The following DISP1 variants were observed in gnomAD, a reference collection of about 807,000 sequenced individuals.
DISP1 encodes dispatched RND transporter family member 1.
In DISP1, 30 loss-of-function variants were observed where a neutral mutation model predicts 37.3. The observed-to-expected ratio is 0.80, with a 90% CI of 0.60 to 1.09. DISP1 has a LOEUF of 1.09. Ranked by LOEUF, DISP1 falls within the 50% of genes least tolerant of loss-of-function variation. The pLI, the probability that DISP1 is intolerant of heterozygous loss-of-function variation, is 0.00. For synonymous variants in DISP1, 634 were observed against 690.2 expected (o/e 0.92, Z 1.28); for missense variants, 1,598 against 1,879.5 (o/e 0.85, Z 2.77).
chr1:222,867,120 A>G (rs1669238271), intron 1 of DISP1, among the ~76,000 whole-genome samples: 1 of 152,234 alleles, frequency 6.6e-6, no homozygotes, highest in South Asian at 2.1e-4. Context: ...GAATCAATGA[A>G]TCTTAGAAGC....
intron 8 of DISP1, among the ~76,000 whole-genome samples, chr1:222,996,371 G>T (rs1679073417): frequency 1.3e-5 from 2 of 152,178 alleles, no homozygotes; most frequent in Non-Finnish European, 2.9e-5. Flanking sequence ...GTGGATCTGT[G>T]ACCTTGGAAT....
intron 1 of DISP1, among the ~76,000 whole-genome samples, chr1:222,860,184 G>A (rs911947395): frequency 2.0e-5 from 3 of 152,172 alleles, no homozygotes; most frequent in African/African-American, 4.8e-5. Context: ...AGCCTCCCAA[G>A]TACTGGGATT....
intron 1 of DISP1, among the ~76,000 whole-genome samples, chr1:222,847,336 GT>G (rs1418328239): frequency 3.8e-4 from 58 of 152,230 alleles, no homozygotes; most frequent in Admixed American, 1.8e-3. Flanking sequence ...AAGGGTCCTG[GT>G]TATTTTTAGT....
rs561579509 is a variant in DISP1, at chr1:223,004,535, C to T, written c.3138C>T (p.Val1046=). 29 of 1,614,218 alleles carry T rather than the reference C, an allele frequency of 1.8e-5. No individual in the cohort carries two copies. Among genetic ancestry groups the T allele is most frequent in the Admixed American group, 1.0e-4 (6 of 60,032 alleles). ...VLESVTISVA[V]GLSVDFAVHY... is the part of the protein sequence containing the mutation. ...AATCTGTCACCATTTCGGTTGCCGT[C>T]GGCTTGTCTGTAGACTTTGCCGTCC... Residue 1046 remains valine (V), a synonymous_variant, in exon 9 of 9, where the codon GTC becomes GTT. Transcript: ENST00000675850. The surrounding 1 kb of genome is among the most constrained non-coding windows in gnomAD (Gnocchi z 4.9).
chr1:222,863,557 G>T (rs1284909290), intron 1 of DISP1, among the ~76,000 whole-genome samples: 1 of 151,602 alleles, frequency 6.6e-6, no homozygotes, highest in East Asian at 1.9e-4. Flanking sequence ...AAAAATCTGT[G>T]GGGAGATCCT....
At chr1:222,952,869 C>T (rs560893206) in intron 3 of DISP1, among the ~76,000 whole-genome samples, 63 of 152,102 alleles carry the variant, frequency 4.1e-4, no homozygotes, top group African/African-American at 1.5e-3. Flanking sequence ...AACAAACAAA[C>T]AAAAAATCTG....
At chr1:222,900,991 A>G (rs1671544865) in intron 1 of DISP1, among the ~76,000 whole-genome samples, 1 of 152,212 alleles carries the variant, frequency 6.6e-6, no homozygotes, top group Non-Finnish European at 1.5e-5. Context: ...GAGAAAGATG[A>G]GAAGTATTTG....
chr1:222,936,888 A>T (rs369976957), intron 2 of DISP1, among the ~76,000 whole-genome samples: 62 of 39,994 alleles, frequency 1.6e-3, no homozygotes, highest in African/African-American at 4.4e-3. Flanking sequence ...TGATATATAT[A>T]ATATATTATT....
intron 3 of DISP1, among the ~76,000 whole-genome samples, chr1:222,944,684 A>T (rs1347073281): frequency 6.6e-6 from 1 of 152,172 alleles, no homozygotes; most frequent in Non-Finnish European, 1.5e-5. Flanking sequence ...GAGTTCTATT[A>T]CTATAGATTT....
intron 1 of DISP1, among the ~76,000 whole-genome samples, chr1:222,848,821 A>ATATTT (rs1461659668): frequency 6.9e-6 from 1 of 145,622 alleles, no homozygotes; most frequent in African/African-American, 2.5e-5. Flanking sequence ...TTAATGTGGA[A>ATATTT]ATATTTATAT....
At chr1:222,908,438 C>T (rs1672032305) in intron 1 of DISP1, among the ~76,000 whole-genome samples, 1 of 152,144 alleles carries the variant, frequency 6.6e-6, no homozygotes, top group African/African-American at 2.4e-5. Flanking sequence ...TGGAGTCTTG[C>T]TCTGTCGCCC....
chr1:222,925,285 ATATT>A (rs1234555022), intron 1 of DISP1, among the ~76,000 whole-genome samples: 1 of 152,142 alleles, frequency 6.6e-6, no homozygotes, highest in Non-Finnish European at 1.5e-5. Flanking sequence ...TTGTGACACT[ATATT>A]TAATTTAAGG....
chr1:222,923,971 C>T (rs1478668648), intron 1 of DISP1, among the ~76,000 whole-genome samples: 2 of 151,946 alleles, frequency 1.3e-5, no homozygotes, highest in African/African-American at 2.4e-5. Flanking sequence ...TCTAGAGCCA[C>T]GAGGTCATAA....
chr1:222,983,017 T>G, intron 3 of DISP1, 63 bp from the exon 4 acceptor site: 1 of 1,260,900 alleles, frequency 7.9e-7, no homozygotes, highest in South Asian at 1.3e-5. Flanking sequence ...AGCCTTTGTT[T>G]ATGTTATGAT....
At chr1:222,912,739 T>C (rs568039592) in intron 1 of DISP1, among the ~76,000 whole-genome samples, 184 of 152,318 alleles carry the variant, frequency 1.2e-3, no homozygotes, top group Non-Finnish European at 1.7e-3. Flanking sequence ...TTTATTTTAT[T>C]GTCAGGCCTT....
rs1319917253 is a variant in DISP1 at position 222,936,616 on chromosome 1, G to GAT, written c.-17-6182_-17-6181dup. On this transcript the variant is annotated intron_variant, in intron 2 of 8. Transcript: ENST00000675850. ...AGATATATATCTCTCATATATATGA[G>GAT]ATATATATATCTCTCATATATATGA... 3.4e-5 allele frequency among the ~76,000 whole-genome samples: 3 copies of GAT among 89,478 alleles called. 1 individual carries two copies. The highest frequency in any genetic ancestry group is 1.2e-4 in the African/African-American group (3 of 24,606). 58.7% of individuals were successfully genotyped at this position (89,478 alleles called of 152,430 possible).
intron 1 of DISP1, among the ~76,000 whole-genome samples, chr1:222,845,882 G>A (rs1667867878): frequency 6.6e-6 from 1 of 152,156 alleles, no homozygotes; most frequent in South Asian, 2.1e-4. Context: ...ATAATTCACA[G>A]TGAATCTGGA....
intron 2 of DISP1, among the ~76,000 whole-genome samples, chr1:222,939,326 AGTT>A (rs1459328896): frequency 2.0e-5 from 3 of 147,078 alleles, no homozygotes; most frequent in Non-Finnish European, 4.5e-5. Flanking sequence ...AGAGAATGAT[AGTT>A]GTGATTCTGA....
intron 3 of DISP1, among the ~76,000 whole-genome samples, chr1:222,965,610 T>C (rs544803168): frequency 1.1e-3 from 172 of 152,302 alleles, no homozygotes; most frequent in African/African-American, 3.8e-3. Context: ...TTTCTTTCTT[T>C]TTATTCTGTG....
Sources: allele counts gnomAD v4.1 joint callset (sites outside exome capture counted in the v4.1 genomes callset), GRCh38; gene constraint gnomAD v4.1.1; non-coding constraint Gnocchi (gnomAD v3.1); transcripts MANE v1.5; gene names NCBI Gene and HGNC (gene_info 2026-07-23, HGNC 2026-07-21).